Variants in ST8SIA6 observed in about 807,000 individuals in gnomAD.
The protein encoded by ST8SIA6 is alpha-2,8-sialyltransferase 8F.
In ST8SIA6, 39 loss-of-function variants were observed where a neutral mutation model predicts 33.6. The observed-to-expected ratio is 1.16, with a 90% CI of 0.90 to 1.52. The LOEUF (loss-of-function observed/expected upper bound fraction) is 1.52, where lower values mean the gene tolerates loss of function less well. Ranked by LOEUF, ST8SIA6 falls within the 40% of genes most tolerant of loss-of-function variation. The probability of loss-of-function intolerance (pLI) is 0.00; values close to 1 mark genes in which losing one functional copy is unlikely to be tolerated. For missense variants in ST8SIA6, 441 were observed against 443.8 expected (o/e 0.99, Z 0.06); for synonymous variants, 172 against 167.2 (o/e 1.03, Z -0.22).
chr10:17,363,173 C>G (rs1020625569), intron 3 of ST8SIA6, among the ~76,000 whole-genome samples: 3 of 152,144 alleles, frequency 2.0e-5, no homozygotes, highest in Non-Finnish European at 2.9e-5. Context: ...AAGCCCAGCC[C>G]TCCTTCAATG....
At chr10:17,447,014 G>A (rs1313188778) in intron 2 of ST8SIA6, among the ~76,000 whole-genome samples, 4 of 137,364 alleles carry the variant, frequency 2.9e-5, no homozygotes, top group Non-Finnish European at 4.6e-5. Flanking sequence ...CGCCATTACC[G>A]ACTCTGTCTC....
Position 17,337,351 on chromosome 10 carries a change from G to C in ST8SIA6, c.378-5799C>G, listed in dbSNP as rs548497400. 3.7e-4 allele frequency among the ~76,000 whole-genome samples: 56 copies of C among 152,284 alleles called. 2 individuals carry two copies. The highest frequency in any genetic ancestry group is 2.1e-3 in the South Asian group (10 of 4,826). ...AGAACAGACTAATACACCTTGTGTA[G>C]CAGCAGACTGTTCTTTATTCCTGGA... On this transcript the variant is annotated intron_variant, in intron 4 of 7. Coordinates refer to ENST00000377602, the MANE Select transcript of ST8SIA6 (RefSeq NM_001004470.3).
chr10:17,370,381 G>T (rs1849693247), intron 3 of ST8SIA6, among the ~76,000 whole-genome samples: 2 of 151,984 alleles, frequency 1.3e-5, no homozygotes, highest in Admixed American at 1.3e-4. Context: ...CTTTTTGTTT[G>T]CTGTATGTTT....
chr10:17,405,438 A>G, intron 2 of ST8SIA6, among the ~76,000 whole-genome samples: 1 of 151,912 alleles, frequency 6.6e-6, no homozygotes, highest in Non-Finnish European at 1.5e-5. Context: ...ATTTTACCTT[A>G]TATGAAAATT....
At chr10:17,405,834 A>C (rs191664509) in intron 2 of ST8SIA6, among the ~76,000 whole-genome samples, 1 of 150,656 alleles carries the variant, frequency 6.6e-6, no homozygotes, top group Admixed American at 6.7e-5. Flanking sequence ...GTGAGCCACG[A>C]TCATGCCATC....
At chr10:17,322,206 A>G (rs537549887) in intron 7 of ST8SIA6, among the ~76,000 whole-genome samples, 1 of 146,390 alleles carries the variant, frequency 6.8e-6, no homozygotes, top group East Asian at 1.9e-4. Flanking sequence ...CAGAAAGGAA[A>G]GAAAGAGAAA....
intron 4 of ST8SIA6, among the ~76,000 whole-genome samples, chr10:17,347,871 G>A (rs1004259268): frequency 1.4e-5 from 2 of 147,746 alleles, no homozygotes; most frequent in Admixed American, 6.9e-5. Flanking sequence ...CAGGAGAATC[G>A]CTTGAACCCG....
chr10:17,384,374 A>G (rs530333773), intron 3 of ST8SIA6, among the ~76,000 whole-genome samples: 2 of 152,372 alleles, frequency 1.3e-5, no homozygotes, highest in South Asian at 4.1e-4. Context: ...CATCAAAGCC[A>G]ATTTAAAAAA....
chr10:17,355,856 A>G (rs1849172839), intron 4 of ST8SIA6, among the ~76,000 whole-genome samples: 1 of 152,052 alleles, frequency 6.6e-6, no homozygotes, highest in Non-Finnish European at 1.5e-5. Flanking sequence ...GTACAAGTTC[A>G]TTGCTCCAGC....
intron 2 of ST8SIA6, among the ~76,000 whole-genome samples, chr10:17,450,661 C>T (rs112985576): frequency 6.6e-6 from 1 of 152,126 alleles, no homozygotes; most frequent in African/African-American, 2.4e-5. Context: ...AGGCTAGTCT[C>T]GAACTCCTGA....
At position 17,316,992 on chromosome 10, in the gene ST8SIA6, G is replaced by T. The variant is rs906037588; in HGVS notation, c.*3886C>A. ...CTTTCTTAACCCAACTATTTAAAAA[G>T]ATATTTTTGGGTCATGTTGAAGAAG... On this transcript the variant is annotated 3_prime_UTR_variant, in exon 8 of 8. Transcript: ENST00000377602. 6.6e-6 allele frequency among the ~76,000 whole-genome samples: 1 copy of T among 151,790 alleles called. No individual in the cohort carries two copies. Among genetic ancestry groups the T allele is most frequent in the African/African-American group, 2.4e-5 (1 of 41,134 alleles).
chr10:17,439,639 T>A (rs1434474018), intron 2 of ST8SIA6, among the ~76,000 whole-genome samples: 1 of 152,206 alleles, frequency 6.6e-6, no homozygotes, highest in Non-Finnish European at 1.5e-5. Context: ...CACTTGGACC[T>A]CCATGAATGT....
chr10:17,408,278 T>C (rs1851338232), intron 2 of ST8SIA6: 1 of 152,652 alleles, frequency 6.6e-6, no homozygotes, highest in Non-Finnish European at 1.5e-5. Context: ...ATGTCAGTTA[T>C]ATACATGCTT....
chr10:17,436,536 C>A lies in ST8SIA6; in HGVS notation c.200+17023G>T, dbSNP rs1357215155. ...ATCCCTCCCCCCTCCCCCCACCCCA[C>A]AACAGTCCCTGGTGTGTGATGTTCC... On this transcript the variant is annotated intron_variant, in intron 2 of 7. Transcript: ENST00000377602. Among the ~76,000 whole-genome samples the A allele has an allele frequency of 6.4e-5, 8 of 124,586 alleles. No homozygotes were observed. In the Admixed American group the frequency reaches 7.3e-4, roughly 11 times the overall value. 81.7% of individuals were successfully genotyped at this position (124,586 alleles called of 152,430 possible). A position where few individuals can be genotyped will look rare whatever the true frequency, so the allele number is the denominator to read the frequency against.
intron 5 of ST8SIA6, among the ~76,000 whole-genome samples, chr10:17,329,028 G>T (rs1170235539): frequency 1.3e-5 from 2 of 152,188 alleles, no homozygotes; most frequent in Non-Finnish European, 1.5e-5. Context: ...ATGTGGTTCT[G>T]AGCAGTCCGG....
intron 2 of ST8SIA6, among the ~76,000 whole-genome samples, chr10:17,431,583 A>C (rs1852103088): frequency 6.6e-6 from 1 of 152,194 alleles, no homozygotes; most frequent in Non-Finnish European, 1.5e-5. Context: ...AAAAACAAGG[A>C]AAGAATTCAG....
intron 2 of ST8SIA6, among the ~76,000 whole-genome samples, chr10:17,428,967 T>C (rs1010593490): frequency 6.6e-6 from 1 of 152,094 alleles, no homozygotes; most frequent in Non-Finnish European, 1.5e-5. Context: ...GTGGCTTTTG[T>C]GGCCTGAGCT....
chr10:17,424,503 T>C (rs1851873702), intron 2 of ST8SIA6, among the ~76,000 whole-genome samples: 1 of 152,200 alleles, frequency 6.6e-6, no homozygotes, highest in African/African-American at 2.4e-5. Flanking sequence ...TATATGAGTG[T>C]GAGTATAAGC....
At chr10:17,383,823 T>A (rs922669993) in intron 3 of ST8SIA6, among the ~76,000 whole-genome samples, 2 of 152,228 alleles carry the variant, frequency 1.3e-5, no homozygotes, top group Non-Finnish European at 2.9e-5. Flanking sequence ...CTTAAAATGT[T>A]TACTGATCCT....
Sources: gnomAD v4.1 joint callset for allele counts (sites outside exome capture counted in the v4.1 genomes callset) on GRCh38, gnomAD v4.1.1 for gene constraint, MANE v1.5 for transcripts, NCBI Gene and HGNC (gene_info 2026-07-23, HGNC 2026-07-21) for gene names.